Variants in FOXP1 observed in about 807,000 individuals in gnomAD.
The protein encoded by FOXP1 is forkhead box protein P1.
Under a neutral mutation model 98.2 loss-of-function variants are expected in FOXP1, and 15 were observed. The ratio of observed to expected loss-of-function variants is 0.15; its 90% confidence interval spans 0.10 to 0.24. The LOEUF (loss-of-function observed/expected upper bound fraction) is 0.24. Among genes scored for constraint, FOXP1 ranks in the 10% least tolerant of loss-of-function variants. FOXP1 has a pLI of 1.00. For synonymous variants in FOXP1, 371 were observed against 314.5 expected, an observed-to-expected ratio of 1.18 and a Z score of -1.90; for missense variants, 633 against 848.5, an observed-to-expected ratio of 0.75 and a Z score of 3.15.
intron 7 of FOXP1, chr3:71,065,880 C>A (rs1442650793): frequency 1.3e-5 from 2 of 152,014 alleles, no homozygotes; most frequent in African/African-American, 4.8e-5. Flanking sequence ...GTTGGCTCAA[C>A]TGACACGACT....
chr3:70,970,220 A>ATTGT (rs1197264152), intron 19 of FOXP1: 2 of 167,718 alleles, frequency 1.2e-5, no homozygotes, highest in Non-Finnish European at 2.6e-5. Flanking sequence ...AAACACCTCT[A>ATTGT]TTGTTTAAAC....
chr3:71,096,665 C>G (rs577139207), intron 7 of FOXP1, among the ~76,000 whole-genome samples: 1 of 152,294 alleles, frequency 6.6e-6, no homozygotes, highest in African/African-American at 2.4e-5. Context: ...ATTTTAGATA[C>G]TGTAGATCTA....
chr3:71,348,617 C>A (rs1023373070), intron 4 of FOXP1, among the ~76,000 whole-genome samples: 5 of 151,228 alleles, frequency 3.3e-5, no homozygotes, highest in African/African-American at 7.3e-5. Flanking sequence ...TGTGTGCACA[C>A]GCATATGCAT....
intron 4 of FOXP1, among the ~76,000 whole-genome samples, chr3:71,303,798 G>GA (rs1239403092): frequency 2.6e-5 from 4 of 151,746 alleles, no homozygotes; most frequent in Non-Finnish European, 5.9e-5. Flanking sequence ...AATAAAAACG[G>GA]AAAAAGGGGA....
At position 71,434,480 on chromosome 3, in the gene FOXP1, G is replaced by A. The variant is rs150164891; in HGVS notation, c.-168+58946C>T. 3.1e-4 allele frequency among the ~76,000 whole-genome samples: 47 copies of A among 152,254 alleles called. No individual in the cohort carries two copies. The East Asian group carries it at 8.7e-3, about 28-fold the overall frequency. ...GTCCAGGAAGTACCTGAGGCCTTACGTTTTAAAAGTTTTATGCACATACAT... is the reference window on the plus strand; with the variant it reads ...GTCCAGGAAGTACCTGAGGCCTTACATTTTAAAAGTTTTATGCACATACAT... On this transcript the variant is annotated intron_variant, in intron 3 of 20. Coordinates refer to ENST00000649528, the MANE Select transcript of FOXP1 (RefSeq NM_001349338.3).
chr3:71,202,627 C>G (rs1158222459), intron 5 of FOXP1, among the ~76,000 whole-genome samples: 1 of 152,156 alleles, frequency 6.6e-6, no homozygotes, highest in Non-Finnish European at 1.5e-5. Context: ...TAGATGTAGC[C>G]ATAACTATTC....
intron 4 of FOXP1, among the ~76,000 whole-genome samples, chr3:71,342,454 G>A (rs2077064306): frequency 1.3e-5 from 2 of 152,112 alleles, no homozygotes. Context: ...TGGATCACCT[G>A]AGGTCAGGAG....
At position 71,091,097 on chromosome 3, in the gene FOXP1, CTGTGTG is replaced by C. The variant is rs1191628935; in HGVS notation, c.282+21433_282+21438del. ...CATTTTGAGCTACAGGTGCCAGATT[CTGTGTG>C]TGTGTGTGTGTGTGTGTGTGTGTGT... On this transcript the variant is annotated intron_variant, in intron 7 of 20. Coordinates refer to ENST00000649528, the MANE Select transcript of FOXP1 (RefSeq NM_001349338.3). Among the ~76,000 whole-genome samples the C allele has an allele frequency of 2.6e-4, 34 of 132,604 alleles. No homozygotes were observed. In the Middle Eastern group the frequency reaches 0.013, roughly 50 times the overall value. 87.0% of individuals were successfully genotyped at this position (132,604 alleles called of 152,430 possible).
rs184682710 is a variant in FOXP1, at chr3:71,393,387, T to C, written c.-167-34143A>G. ...CACATTTCACACTGTTAAGTAATGA[T>C]GACTATAGAAGACTCATAATAAAAA... is the stretch of plus-strand genomic sequence containing the variant. On this transcript the variant is annotated intron_variant, in intron 3 of 20. Transcript: ENST00000649528. Among the ~76,000 whole-genome samples, 22 of 152,108 alleles carry C rather than the reference T, an allele frequency of 1.4e-4. No individual in the cohort carries two copies. The East Asian group carries it at 4.2e-3, about 29-fold the overall frequency.
intron 4 of FOXP1, among the ~76,000 whole-genome samples, chr3:71,320,306 C>T (rs1389156620): frequency 6.6e-6 from 1 of 152,012 alleles, no homozygotes; most frequent in Non-Finnish European, 1.5e-5. Flanking sequence ...ATTCAAAAGG[C>T]TGTGCTGGAT....
chr3:71,540,099 T>C (rs552213673), intron 2 of FOXP1, among the ~76,000 whole-genome samples: 2 of 152,382 alleles, frequency 1.3e-5, no homozygotes, highest in East Asian at 3.9e-4. Context: ...TTGGTCTTAA[T>C]GGTGTGCATT....
intron 3 of FOXP1, among the ~76,000 whole-genome samples, chr3:71,411,372 T>A (rs1208195379): frequency 6.6e-6 from 1 of 151,620 alleles, no homozygotes; most frequent in South Asian, 2.1e-4. Flanking sequence ...TGGAGTGCAG[T>A]GGCGCGATAT....
At chr3:71,539,272 C>T (rs1456351777) in intron 2 of FOXP1, among the ~76,000 whole-genome samples, 20 of 142,172 alleles carry the variant, frequency 1.4e-4, no homozygotes, top group African/African-American at 5.0e-4. Flanking sequence ...CCACCATGCC[C>T]AGCTAATTTT....
intron 5 of FOXP1, among the ~76,000 whole-genome samples, chr3:71,242,748 T>G (rs1223665290): frequency 1.6e-5 from 2 of 126,792 alleles, no homozygotes; most frequent in African/African-American, 6.4e-5. Context: ...AGCCAAAATA[T>G]ATTTTGCCCA....
intron 5 of FOXP1, among the ~76,000 whole-genome samples, chr3:71,205,807 T>C (rs2063993494): frequency 6.6e-6 from 1 of 152,206 alleles, no homozygotes; most frequent in Non-Finnish European, 1.5e-5. Flanking sequence ...ACATGGCCAG[T>C]GGGGATCATC....
intron 3 of FOXP1, among the ~76,000 whole-genome samples, chr3:71,469,610 G>C (rs546497079): frequency 6.5e-4 from 99 of 152,274 alleles, no homozygotes; most frequent in South Asian, 1.2e-3. Flanking sequence ...AATTCACATG[G>C]ATTACCAACT....
chr3:71,039,170 C>CT (rs1425806542), intron 11 of FOXP1, among the ~76,000 whole-genome samples: 1 of 151,908 alleles, frequency 6.6e-6, no homozygotes, highest in Non-Finnish European at 1.5e-5. Context: ...ATAGTTGCTT[C>CT]TTTTTTGCAT....
chr3:71,004,730 C>G (rs548187700), intron 12 of FOXP1, among the ~76,000 whole-genome samples: 1 of 152,188 alleles, frequency 6.6e-6, no homozygotes, highest in African/African-American at 2.4e-5. Context: ...AAGGTAGATT[C>G]CTTAAGCTTT....
intron 6 of FOXP1, among the ~76,000 whole-genome samples, chr3:71,140,723 C>T (rs891862413): frequency 2.0e-5 from 3 of 152,124 alleles, no homozygotes; most frequent in African/African-American, 4.8e-5. Flanking sequence ...TATCCAAATA[C>T]TGTGACTGTC....
Sources: allele counts gnomAD v4.1 joint callset (sites outside exome capture counted in the v4.1 genomes callset), GRCh38; gene constraint gnomAD v4.1.1; transcripts MANE v1.5; gene names NCBI Gene and HGNC (gene_info 2026-07-23, HGNC 2026-07-21).